CLVS1: variants seen among roughly 807,000 people sequenced by gnomAD.
CLVS1 encodes clavesin 1, also known as clavesin-1.
CLVS1 carries 10 observed loss-of-function variants against 33.1 expected under a neutral mutation model. The ratio of observed to expected loss-of-function variants is 0.30; its 90% CI spans 0.19 to 0.51. The LOEUF (loss-of-function observed/expected upper bound fraction) is 0.51. Ranked by LOEUF, CLVS1 falls within the 20% of genes least tolerant of loss-of-function variation. CLVS1 has a pLI of 0.97. For missense variants in CLVS1, 343 were observed against 433.4 expected (o/e 0.79, Z 1.85); for synonymous variants, 163 against 166.1 (o/e 0.98, Z 0.14).
At chr8:61,130,585 G>C (rs1233922003) in intron 1 of CLVS1, among the ~76,000 whole-genome samples, 1 of 152,208 alleles carries the variant, frequency 6.6e-6, no homozygotes, top group Non-Finnish European at 1.5e-5. Context: ...AATATAATTA[G>C]AATAACATTT....
At chr8:61,258,401 T>A (rs897013588) in intron 2 of CLVS1, among the ~76,000 whole-genome samples, 2 of 152,190 alleles carry the variant, frequency 1.3e-5, no homozygotes, top group African/African-American at 4.8e-5. Flanking sequence ...GTGCCATACA[T>A]CTTGTGAGGG....
chr8:60,995,684 A>G, the CLVS1 span, among the ~76,000 whole-genome samples: 1 of 152,230 alleles, frequency 6.6e-6, no homozygotes, highest in African/African-American at 2.4e-5. Context: ...AGGACTATAA[A>G]TCATGCTGCT....
intron 3 of CLVS1, among the ~76,000 whole-genome samples, chr8:61,397,589 T>C (rs1470526354): frequency 6.6e-6 from 1 of 152,144 alleles, no homozygotes; most frequent in African/African-American, 2.4e-5. Context: ...CAAGAAACCA[T>C]TGCCTACCCC....
At position 61,501,018 on chromosome 8, in the gene CLVS1, T is replaced by G. The variant is rs1249579363; in HGVS notation, c.*1476T>G. The G allele has an allele frequency of 6.6e-6, 1 of 152,210 alleles. No homozygotes were observed. Among genetic ancestry groups the G allele is most frequent in the Non-Finnish European group, 1.5e-5 (1 of 68,038 alleles). The allele number at this position is 152,210 out of a possible 1,614,324, so 9.4% of individuals were successfully genotyped here. On this transcript the variant is annotated 3_prime_UTR_variant, in exon 6 of 6. Transcript: ENST00000325897. Reference sequence around the variant, plus strand: ...AGAGAACAATAACAGAAGTAATTTTTATATTATACACTTGGAGAAATAAAG... The same window carrying G: ...AGAGAACAATAACAGAAGTAATTTTGATATTATACACTTGGAGAAATAAAG...
At chr8:61,342,518 C>G (rs1812062826) in intron 2 of CLVS1, among the ~76,000 whole-genome samples, 1 of 152,224 alleles carries the variant, frequency 6.6e-6, no homozygotes, top group African/African-American at 2.4e-5. Context: ...TGGTTTTCTT[C>G]TTGATCTCCC....
At chr8:61,340,698 CAGT>C (rs1812000493) in intron 2 of CLVS1, among the ~76,000 whole-genome samples, 1 of 152,108 alleles carries the variant, frequency 6.6e-6, no homozygotes, top group South Asian at 2.1e-4. Flanking sequence ...GCTATATGCC[CAGT>C]AGTAGGATGG....
At chr8:61,152,134 T>A (rs142745053) in intron 2 of CLVS1, among the ~76,000 whole-genome samples, 144 of 152,310 alleles carry the variant, frequency 9.5e-4, no homozygotes, top group African/African-American at 3.3e-3. Flanking sequence ...CAACAAACAT[T>A]TATTTCTCAC....
chr8:61,421,294 T>A (rs1815653812), intron 3 of CLVS1, among the ~76,000 whole-genome samples: 1 of 152,160 alleles, frequency 6.6e-6, no homozygotes, highest in East Asian at 1.9e-4. Context: ...ATGATTGTCA[T>A]GGTGCAGCAA....
upstream of CLVS1, among the ~76,000 whole-genome samples, chr8:61,054,765 G>A (rs1585574374): frequency 6.6e-6 from 1 of 152,116 alleles, no homozygotes; most frequent in African/African-American, 2.4e-5. Context: ...CTATACCTGG[G>A]CAAATAAATG....
intron 3 of CLVS1, among the ~76,000 whole-genome samples, chr8:61,404,997 T>G (rs1814930343): frequency 6.6e-6 from 1 of 152,188 alleles, no homozygotes; most frequent in South Asian, 2.1e-4. Context: ...CAGAACCAAC[T>G]GTGGCTCCAC....
chr8:61,125,175 C>T (rs528928984), intron 1 of CLVS1, among the ~76,000 whole-genome samples: 1 of 152,264 alleles, frequency 6.6e-6, no homozygotes, highest in East Asian at 1.9e-4. Flanking sequence ...CAAGGTTCTA[C>T]CCCAGGCATT....
chr8:60,966,370 G>C, the CLVS1 span: 2 of 455,934 alleles, frequency 4.4e-6, no homozygotes, highest in East Asian at 1.4e-4. Context: ...AATCACCCCA[G>C]GACTTATCTT....
At chr8:61,426,466 C>T (rs533033810) in intron 3 of CLVS1, among the ~76,000 whole-genome samples, 12 of 152,326 alleles carry the variant, frequency 7.9e-5, no homozygotes, top group Admixed American at 5.2e-4. Flanking sequence ...ACTGTCACCT[C>T]GTAGTGTGTC....
At chr8:61,240,132 A>C (rs887044701) in intron 2 of CLVS1, among the ~76,000 whole-genome samples, 1 of 152,262 alleles carries the variant, frequency 6.6e-6, no homozygotes, top group Non-Finnish European at 1.5e-5. Context: ...TGAGAGGTAG[A>C]GATGAGATTA....
chr8:61,207,964 G>T (rs1807890769), intron 2 of CLVS1, among the ~76,000 whole-genome samples: 1 of 152,148 alleles, frequency 6.6e-6, no homozygotes, highest in Non-Finnish European at 1.5e-5. Flanking sequence ...GTTAGCCATG[G>T]GATACACCCT....
At chr8:61,106,252 A>C (rs1274918407) in intron 1 of CLVS1, among the ~76,000 whole-genome samples, 1 of 152,210 alleles carries the variant, frequency 6.6e-6, no homozygotes, top group African/African-American at 2.4e-5. Flanking sequence ...AAGGCCATAC[A>C]TGGAATTCTC....
At chr8:61,164,307 A>G (rs1484189322) in intron 2 of CLVS1, among the ~76,000 whole-genome samples, 4 of 152,174 alleles carry the variant, frequency 2.6e-5, no homozygotes, top group African/African-American at 9.7e-5. Context: ...TTAGACAGAT[A>G]GGGAGGAAAA....
At chr8:61,349,663 T>C (rs1031952606) in intron 2 of CLVS1, among the ~76,000 whole-genome samples, 2 of 152,168 alleles carry the variant, frequency 1.3e-5, no homozygotes, top group African/African-American at 4.8e-5. Context: ...ATTTTCTGTT[T>C]GGAATCAGTA....
intron 2 of CLVS1, among the ~76,000 whole-genome samples, chr8:61,270,928 G>A (rs1351127080): frequency 1.3e-5 from 2 of 151,368 alleles, no homozygotes; most frequent in African/African-American, 4.9e-5. Context: ...AGTCTTGCTA[G>A]CGGTCTATCA....
Sources: allele counts gnomAD v4.1 joint callset (sites outside exome capture counted in the v4.1 genomes callset), GRCh38; gene constraint gnomAD v4.1.1; transcripts MANE v1.5; gene names NCBI Gene and HGNC (gene_info 2026-07-23, HGNC 2026-07-21).